The following VWA5B2 variants were observed in gnomAD, a reference collection of about 807,000 sequenced individuals.
VWA5B2 encodes von Willebrand factor A domain-containing protein 5B2.
VWA5B2 carries 93 observed loss-of-function variants against 118.5 expected under a neutral mutation model. The observed-to-expected ratio is 0.79, with a 90% CI of 0.66 to 0.93. The LOEUF (loss-of-function observed/expected upper bound fraction) is 0.93. VWA5B2 is among the 40% of genes least tolerant of loss of function. The probability of loss-of-function intolerance (pLI) is 0.00; values close to 1 mark genes in which losing one functional copy is unlikely to be tolerated. For synonymous variants in VWA5B2, 708 were observed against 716.3 expected (o/e 0.99, Z 0.19); for missense variants, 1,546 against 1,672.8 (o/e 0.92, Z 1.32).
In VWA5B2 at chr3:184,241,650, C is replaced by G; in HGVS notation, c.3341C>G (p.Pro1114Arg). 1 of 1,537,612 alleles carries G rather than the reference C, an allele frequency of 6.5e-7. No homozygotes were observed. Among genetic ancestry groups the G allele is most frequent in the Non-Finnish European group, 8.7e-7 (1 of 1,145,268 alleles). Residue 1114 changes from proline (P) to arginine (R), a missense_variant, in exon 20 of 20, where the codon CCT becomes CGT. Pro to Arg is a moderately radical substitution (Grantham distance 103). Coordinates refer to ENST00000691901, the MANE Select transcript of VWA5B2 (RefSeq NM_001390846.1). The surrounding 1 kb of genome is among the most constrained non-coding windows in gnomAD (Gnocchi z 5.1). ...TCATTGCCCTGGGCACTTCTGGGCC[C>G]TGGTGTTGGCCAGGGTGACAGTGCC... ...SASLPWALLG[P>R]GVGQGDSATA...
chr3:184,236,045 G>A, intron 8 of VWA5B2, 107 bp from the exon 9 acceptor site: 1 of 1,045,582 alleles, frequency 9.6e-7, no homozygotes, highest in Non-Finnish European at 1.4e-6. Flanking sequence ...GGTTACCACA[G>A]CCTCTCACTT....
rs1718590100 is a variant in VWA5B2, at chr3:184,241,225, G to A, written c.3001G>A (p.Asp1001Asn). Residue 1001 changes from aspartate to asparagine, a missense_variant, in exon 19 of 20, where the codon GAC (aspartate) becomes AAC (asparagine). Coordinates refer to ENST00000691901, the MANE Select transcript of VWA5B2 (RefSeq NM_001390846.1). The surrounding 1 kb of genome is among the most constrained non-coding windows in gnomAD (Gnocchi z 5.1). ...RGSPAGAWDS[D>N]QNGNSKRALG... ...CTCTCCAGCAGGCGCCTGGGACTCG[G>A]ACCAAAATGGCAACTCCAAGCGTGC... is the stretch of plus-strand genomic sequence containing the variant. 9 of 1,550,900 alleles carry A rather than the reference G, an allele frequency of 5.8e-6. No individual in the cohort carries two copies. Among genetic ancestry groups the A allele is most frequent in the Non-Finnish European group, 7.8e-6 (9 of 1,146,662 alleles).
chr3:184,234,422 G>A, intron 6 of VWA5B2, 25 bp downstream of exon 6: 1 of 1,551,254 alleles, frequency 6.4e-7, no homozygotes, highest in Non-Finnish European at 8.7e-7. Context: ...CACACCGTGG[G>A]CCGGCTCTGA....
Position 184,233,495 on chromosome 3 carries a change from G to A in VWA5B2, c.531-81G>A. The A allele has an allele frequency of 2.0e-6, 3 of 1,512,806 alleles. No individual in the cohort carries two copies. The highest frequency in any genetic ancestry group is 2.7e-6 in the Non-Finnish European group (3 of 1,127,444). The allele number at this position is 1,512,806 out of a possible 1,614,324, so 93.7% of individuals were successfully genotyped here. Reference sequence around the variant, plus strand: ...CAGGGTACCCAGGGATGGGAAGGGTGAGGAAGGGCTGGGGCCAGTCAGCCG... The same window carrying A: ...CAGGGTACCCAGGGATGGGAAGGGTAAGGAAGGGCTGGGGCCAGTCAGCCG... On this transcript the variant is annotated intron_variant, in intron 4 of 19. Transcript: ENST00000691901. This position sits in a 1 kb window ranked among gnomAD's most constrained non-coding sequence, Gnocchi z 5.2.
chr3:184,236,041 C>A, intron 8 of VWA5B2, 111 bp from the exon 9 acceptor site: 1 of 1,021,694 alleles, frequency 9.8e-7, no homozygotes, highest in Non-Finnish European at 1.5e-6. Flanking sequence ...CCCAGGTTAC[C>A]ACAGCCTCTC....
intron 8 of VWA5B2, 24 bp downstream of exon 8, chr3:184,235,332 AG>A (rs964765421): frequency 1.3e-6 from 2 of 1,525,410 alleles, no homozygotes; most frequent in African/African-American, 1.4e-5. Context: ...TGGTGTGGGC[AG>A]GCCTGGGGGT....
In VWA5B2 at chr3:184,237,426, G is replaced by C; in HGVS notation, c.1719+15G>C. 6.5e-7 allele frequency: 1 copy of C among 1,541,926 alleles called. No homozygotes were observed. Among genetic ancestry groups the C allele is most frequent in the Non-Finnish European group, 8.8e-7 (1 of 1,140,236 alleles). ...GCCCACCAGGGGTAAGCTTGGGCTG[G>C]GGTGTGGTAGGGGGGCTAGGGTGAG... is the stretch of plus-strand genomic sequence containing the variant. On this transcript the variant is annotated intron_variant, in intron 12 of 19. Coordinates refer to ENST00000691901, the MANE Select transcript of VWA5B2 (RefSeq NM_001390846.1). The surrounding 1 kb of genome is among the most constrained non-coding windows in gnomAD (Gnocchi z 5.6).
In VWA5B2 at chr3:184,237,511, C is replaced by T; in HGVS notation, c.1719+100C>T. 1.6e-6 allele frequency: 2 copies of T among 1,263,612 alleles called. No individual in the cohort carries two copies. Among genetic ancestry groups the T allele is most frequent in the South Asian group, 2.9e-5 (2 of 68,900 alleles). 78.3% of individuals were successfully genotyped at this position (1,263,612 alleles called of 1,614,324 possible). ...CTCTTCCAAACCCTTTTTCCATTCTCTGTGCCTCTCTCTACCAAGCTTCTC... is the reference window on the plus strand; with the variant it reads ...CTCTTCCAAACCCTTTTTCCATTCTTTGTGCCTCTCTCTACCAAGCTTCTC... On this transcript the variant is annotated intron_variant, in intron 12 of 19. Transcript: ENST00000691901. The surrounding 1 kb of genome is among the most constrained non-coding windows in gnomAD (Gnocchi z 5.6).
chr3:184,239,889 G>A lies in VWA5B2; in HGVS notation c.2593G>A (p.Gly865Arg), dbSNP rs1388257226. ...EVGVGLETLW[G>R]PGDGSQPPSP... is the part of the protein sequence containing the mutation. ...GGGTGTTGGGCTGGAGACACTGTGG[G>A]GACCTGGAGATGGCTCACAGCCTCC... The change falls in exon 16 of 20, where the codon GGA becomes AGA. Residue 865 changes from glycine (G) to arginine (R), a missense_variant. Gly to Arg is a moderately radical substitution (Grantham distance 125, BLOSUM62 -2). Transcript: ENST00000691901. This position sits in a 1 kb window ranked among gnomAD's most constrained non-coding sequence, Gnocchi z 5.1. 4 of 1,551,576 alleles carry A rather than the reference G, an allele frequency of 2.6e-6. No individual in the cohort carries two copies. Among genetic ancestry groups the A allele is most frequent in the African/African-American group, 1.4e-5 (1 of 73,042 alleles).
chr3:184,234,776 C>T, intron 7 of VWA5B2, 21 bp downstream of exon 7: 2 of 1,550,842 alleles, frequency 1.3e-6, no homozygotes, highest in Non-Finnish European at 1.7e-6. Flanking sequence ...AGGAGCCTGG[C>T]CTGGCCCCTG....
Position 184,239,476 on chromosome 3 carries a change from G to A in VWA5B2, c.2285G>A (p.Arg762Gln), listed in dbSNP as rs187406545. The change falls in exon 15 of 20, where the codon CGG (arginine) becomes CAG (glutamine). Residue 762 changes from arginine (R) to glutamine (Q), a missense_variant. Arg to Gln is a conservative substitution (Grantham distance 43). Coordinates refer to ENST00000691901, the MANE Select transcript of VWA5B2 (RefSeq NM_001390846.1). The surrounding 1 kb of genome is among the most constrained non-coding windows in gnomAD (Gnocchi z 5.1). The part of the protein sequence containing the change: ...AGRSLSSPPG[R>Q]ANQVPGRPRK... ...CGAAGCCTCTCATCCCCTCCAGGCCGGGCAAACCAAGTCCCCGGCCGACCC... is the reference window on the plus strand; with the variant it reads ...CGAAGCCTCTCATCCCCTCCAGGCCAGGCAAACCAAGTCCCCGGCCGACCC... 27 of 1,550,036 alleles carry A rather than the reference G, an allele frequency of 1.7e-5. No homozygotes were observed. The highest frequency in any genetic ancestry group is 8.3e-5 in the South Asian group (7 of 83,930).
chr3:184,236,788 G>C, intron 11 of VWA5B2, 39 bp downstream of exon 11: 1 of 1,449,390 alleles, frequency 6.9e-7, no homozygotes, highest in Non-Finnish European at 9.2e-7. Flanking sequence ...ACACCTGGAA[G>C]TTTTTCTCCC....
At chr3:184,232,742 A>C in intron 3 of VWA5B2, 1 of 167,698 alleles carries the variant, frequency 6.0e-6, no homozygotes, top group African/African-American at 2.4e-5. Context: ...TTAGTGGGCA[A>C]TGGGGGAGCT....
chr3:184,234,135 C>A, intron 5 of VWA5B2, 131 bp from the exon 6 acceptor site: 1 of 1,195,576 alleles, frequency 8.4e-7, no homozygotes, highest in Non-Finnish European at 1.2e-6. Context: ...GCACATCCTC[C>A]CTCGTCCATC....
Position 184,233,385 on chromosome 3 carries a change from T to C in VWA5B2, c.518T>C (p.Leu173Pro). The change falls in exon 4 of 20, where the codon CTC becomes CCC. Residue 173 changes from leucine to proline, a missense_variant. Physicochemically the swap from Leu to Pro is moderately conservative, Grantham distance 98. Transcript: ENST00000691901. The surrounding 1 kb of genome is among the most constrained non-coding windows in gnomAD (Gnocchi z 5.2). ...GPPGPPRPPG[L>P]CDDSPTSCFG... ...CCGGGGCCCCCCAGGCCTCCGGGGC[T>C]CTGTGACGACAGGTTGGGCCTATGG... is the stretch of plus-strand genomic sequence containing the variant. 1 of 1,536,772 alleles carries C rather than the reference T, an allele frequency of 6.5e-7. No homozygotes were observed. Among genetic ancestry groups the C allele is most frequent in the Non-Finnish European group, 8.8e-7 (1 of 1,141,566 alleles).
chr3:184,236,291 T>G, intron 9 of VWA5B2, 29 bp downstream of exon 9: 3 of 1,551,634 alleles, frequency 1.9e-6, no homozygotes, highest in Non-Finnish European at 2.6e-6. Flanking sequence ...TCTGGGGGCC[T>G]TACAGAGAGG....
At chr3:184,234,897 C>T in intron 7 of VWA5B2, 142 bp downstream of exon 7, 1 of 1,313,490 alleles carries the variant, frequency 7.6e-7, no homozygotes, top group Non-Finnish European at 1.0e-6. Flanking sequence ...CCAACCATCA[C>T]AGAGGACAGA....
chr3:184,233,026 C>A lies in VWA5B2; in HGVS notation c.311-152C>A, dbSNP rs1008319805. 6 of 654,958 alleles carry A rather than the reference C, an allele frequency of 9.2e-6. No homozygotes were observed. Among genetic ancestry groups the A allele is most frequent in the Non-Finnish European group, 1.6e-5 (6 of 375,962 alleles). The allele number at this position is 654,958 out of a possible 1,614,324, so 40.6% of individuals were successfully genotyped here. On this transcript the variant is annotated intron_variant, in intron 3 of 19. Transcript: ENST00000691901. The surrounding 1 kb of genome is among the most constrained non-coding windows in gnomAD (Gnocchi z 5.2). ...CTCTCCTGCCATCATTCATCTCATG[C>A]CTCCATCCTGCGTCACCAATGCATT...
rs777056563 is a variant in VWA5B2 at position 184,238,069 on chromosome 3, A to T, written c.1720-234A>T. Among the ~76,000 whole-genome samples the T allele has an allele frequency of 4.6e-5, 7 of 151,920 alleles. No individual in the cohort carries two copies. Among genetic ancestry groups the T allele is most frequent in the Non-Finnish European group, 8.8e-5 (6 of 68,004 alleles). On this transcript the variant is annotated intron_variant, in intron 12 of 19. Coordinates refer to ENST00000691901, the MANE Select transcript of VWA5B2 (RefSeq NM_001390846.1). This position sits in a 1 kb window ranked among gnomAD's most constrained non-coding sequence, Gnocchi z 5.0. ...TTTTTGATCATGAGAGCTGCATAAC[A>T]GACTTTTTTTTTTGCCTGGCTGCCA...
Sources: gnomAD v4.1 joint callset for allele counts (sites outside exome capture counted in the v4.1 genomes callset) on GRCh38, gnomAD v4.1.1 for gene constraint, Gnocchi (gnomAD v3.1) non-coding constraint, MANE v1.5 for transcripts, NCBI Gene and HGNC (gene_info 2026-07-23, HGNC 2026-07-21) for gene names.